The following VAV3 variants were observed in gnomAD, a reference collection of about 807,000 sequenced individuals.
VAV3 encodes the protein vav guanine nucleotide exchange factor 3, also known as guanine nucleotide exchange factor VAV3.
Under a neutral mutation model 131.2 loss-of-function variants are expected in VAV3, and 94 were observed. That is an observed-to-expected ratio of 0.72 (90% CI 0.61 to 0.85). The LOEUF (loss-of-function observed/expected upper bound fraction) is 0.85, where lower values mean the gene tolerates loss of function less well. Ranked by LOEUF, VAV3 falls within the 40% of genes least tolerant of loss-of-function variation. The pLI is 0.00. For missense variants in VAV3, 939 were observed against 1,002.7 expected (o/e 0.94, Z 0.86); for synonymous variants, 349 against 342.0 (o/e 1.02, Z -0.22).
chr1:107,918,678 T>A (rs1302176989), intron 1 of VAV3, among the ~76,000 whole-genome samples: 1 of 146,292 alleles, frequency 6.8e-6, no homozygotes. Flanking sequence ...ATATATATAT[T>A]TTTAAGGCAT....
intron 1 of VAV3, among the ~76,000 whole-genome samples, chr1:107,925,942 A>T (rs1019722593): frequency 2.0e-5 from 3 of 151,706 alleles, no homozygotes; most frequent in African/African-American, 7.3e-5. Flanking sequence ...ATAAACAGAG[A>T]TGTATCTCTT....
intron 22 of VAV3, among the ~76,000 whole-genome samples, chr1:107,604,524 G>GTTC (rs1652119747): frequency 6.6e-6 from 1 of 152,112 alleles, no homozygotes; most frequent in African/African-American, 2.4e-5. Flanking sequence ...AGATCCAGGA[G>GTTC]TTTCTCAAGC....
At chr1:107,792,041 G>A (rs1666311717) in intron 2 of VAV3, among the ~76,000 whole-genome samples, 1 of 152,118 alleles carries the variant, frequency 6.6e-6, no homozygotes, top group Non-Finnish European at 1.5e-5. Flanking sequence ...ATTACAATTT[G>A]ACTTATAGCA....
At chr1:107,878,469 CT>C (rs1670612462) in intron 1 of VAV3, among the ~76,000 whole-genome samples, 1 of 152,088 alleles carries the variant, frequency 6.6e-6, no homozygotes, top group African/African-American at 2.4e-5. Flanking sequence ...ATGACATTGA[CT>C]TTTTGAAGAG....
At chr1:107,642,224 T>C (rs11185154) in intron 20 of VAV3, among the ~76,000 whole-genome samples, 58,846 of 151,832 alleles carry the variant, frequency 0.39, 11,843 homozygotes, top group East Asian at 0.48. Flanking sequence ...CATAAAGACC[T>C]TGCTGATAAA....
intron 25 of VAV3, chr1:107,576,446 CA>C: frequency 6.6e-7 from 1 of 1,518,916 alleles, no homozygotes; most frequent in Non-Finnish European, 8.8e-7. Context: ...GGAGGAGTTA[CA>C]AAAGAAAAGC....
intron 19 of VAV3, among the ~76,000 whole-genome samples, chr1:107,650,740 G>A (rs1162618861): frequency 8.3e-6 from 1 of 120,856 alleles, no homozygotes; most frequent in Admixed American, 1.2e-4. Flanking sequence ...GTCCCAGAGT[G>A]TGATGTTCCC....
chr1:107,873,357 A>C (rs1274299448), intron 2 of VAV3, among the ~76,000 whole-genome samples: 2 of 152,198 alleles, frequency 1.3e-5, no homozygotes, highest in Admixed American at 6.6e-5. Flanking sequence ...AAAAATAAAT[A>C]GTTCCTTAAT....
intron 22 of VAV3, among the ~76,000 whole-genome samples, chr1:107,608,378 C>G (rs977012132): frequency 6.6e-6 from 1 of 152,114 alleles, no homozygotes; most frequent in Non-Finnish European, 1.5e-5. Context: ...GAGAAGAAAC[C>G]TAATCATCAC....
chr1:107,668,869 T>A (rs950687823), intron 19 of VAV3: 1 of 985,448 alleles, frequency 1.0e-6, no homozygotes, highest in African/African-American at 1.7e-5. Flanking sequence ...TTTTAGCTTC[T>A]AGCTGGCAGT....
At chr1:107,823,474 G>C (rs190991970) in intron 2 of VAV3, among the ~76,000 whole-genome samples, 3 of 152,170 alleles carry the variant, frequency 2.0e-5, no homozygotes, top group Admixed American at 6.5e-5. Flanking sequence ...GAATGGCTGA[G>C]ACTCCCCACG....
intron 9 of VAV3, among the ~76,000 whole-genome samples, chr1:107,763,682 A>G (rs564901914): frequency 6.6e-6 from 1 of 152,350 alleles, no homozygotes; most frequent in South Asian, 2.1e-4. Context: ...TAAAGTCAAC[A>G]TAATGAAGGA....
chr1:107,866,012 C>T (rs1222160370), intron 2 of VAV3, among the ~76,000 whole-genome samples: 2 of 152,114 alleles, frequency 1.3e-5, no homozygotes, highest in Admixed American at 1.3e-4. Flanking sequence ...ATACTAAACA[C>T]ACTGTGTGTG....
chr1:107,719,763 TG>T lies in VAV3; in HGVS notation c.1503-14703del, dbSNP rs375370524. Reference sequence around the variant, plus strand: ...TACTATAAAGACACATGAACACATATGTTTATTGTGGCACTATTCACAACAG... The same window carrying T: ...TACTATAAAGACACATGAACACATATTTTATTGTGGCACTATTCACAACAG... On this transcript the variant is annotated intron_variant, in intron 15 of 26. Transcript: ENST00000370056. Among the ~76,000 whole-genome samples, 1,218 of 152,320 alleles carry T rather than the reference TG, an allele frequency of 8.0e-3. 15 individuals carry two copies. The highest frequency in any genetic ancestry group is 0.027 in the African/African-American group (1,141 of 41,562).
At chr1:107,875,130 G>C in intron 1 of VAV3, 113 bp from the exon 2 acceptor site, 2 of 939,236 alleles carry the variant, frequency 2.1e-6, no homozygotes, top group South Asian at 3.0e-5. Context: ...AGCAGCCTTT[G>C]AAGTTGCTTT....
intron 15 of VAV3, among the ~76,000 whole-genome samples, chr1:107,718,479 A>G (rs534387695): frequency 6.6e-6 from 1 of 152,318 alleles, no homozygotes; most frequent in South Asian, 2.1e-4. Flanking sequence ...AGAATAAAAT[A>G]CCTAGGAATC....
intron 19 of VAV3, among the ~76,000 whole-genome samples, chr1:107,656,080 TC>T (rs1424682739): frequency 6.6e-6 from 1 of 152,092 alleles, no homozygotes; most frequent in Non-Finnish European, 1.5e-5. Context: ...TACAGAATGA[TC>T]CACCAATTCC....
intron 2 of VAV3, among the ~76,000 whole-genome samples, chr1:107,813,982 G>GTGTGTGTC (rs1667448201): frequency 6.7e-6 from 1 of 149,916 alleles, no homozygotes; most frequent in African/African-American, 2.5e-5. Flanking sequence ...GTGTGTGTGT[G>GTGTGTGTC]TGTGTGTGTG....
intron 19 of VAV3, among the ~76,000 whole-genome samples, chr1:107,650,384 G>C (rs1250358943): frequency 1.3e-5 from 2 of 151,824 alleles, no homozygotes; most frequent in African/African-American, 4.8e-5. Context: ...AAAATAATCT[G>C]AACTACTATT....
Sources: allele counts gnomAD v4.1 joint callset (sites outside exome capture counted in the v4.1 genomes callset), GRCh38; gene constraint gnomAD v4.1.1; transcripts MANE v1.5; gene names NCBI Gene and HGNC (gene_info 2026-07-23, HGNC 2026-07-21).